The following KCNG2 variants were observed in gnomAD, a reference collection of about 807,000 sequenced individuals.
KCNG2 encodes the protein voltage-gated potassium channel regulatory subunit KCNG2.
A neutral mutation model predicts 12.3 loss-of-function variants in KCNG2; 7 were observed. That is an observed-to-expected ratio of 0.57 (90% CI 0.32 to 1.07). KCNG2 has a LOEUF of 1.07. Among genes scored for constraint, KCNG2 ranks in the 50% least tolerant of loss-of-function variants. The pLI is 0.04. For missense variants in KCNG2, 703 were observed against 726.0 expected (o/e 0.97, Z 0.36); for synonymous variants, 414 against 351.4 (o/e 1.18, Z -1.99).
chr18:79,858,162 A>G (rs1436438404), intron 2 of KCNG2, among the ~76,000 whole-genome samples: 1 of 152,084 alleles, frequency 6.6e-6, no homozygotes, highest in Non-Finnish European at 1.5e-5. Context: ...CACTGCACCC[A>G]GCTAAGTTTT....
Position 79,800,658 on chromosome 18 carries a change from G to A in KCNG2, c.-115+2644G>A, listed in dbSNP as rs1043937069. 3.3e-5 allele frequency among the ~76,000 whole-genome samples: 5 copies of A among 152,198 alleles called. No individual in the cohort carries two copies. The highest frequency in any genetic ancestry group is 4.8e-5 in the African/African-American group (2 of 41,454). On this transcript the variant is annotated intron_variant, in intron 1 of 3. Transcript: ENST00000316249. The surrounding 1 kb of genome is among the most constrained non-coding windows in gnomAD (Gnocchi z 4.0). ...GGCTCCTTCACAGCCGCGGCTTTCCGGCAGGAGCCTCAGCAGTTCCTTCCC... is the reference window on the plus strand; with the variant it reads ...GGCTCCTTCACAGCCGCGGCTTTCCAGCAGGAGCCTCAGCAGTTCCTTCCC...
In KCNG2 at chr18:79,863,924, G is replaced by A; in HGVS notation, c.257G>A (p.Arg86His). 2 of 1,376,276 alleles carry A rather than the reference G, an allele frequency of 1.5e-6. No individual in the cohort carries two copies. Among genetic ancestry groups the A allele is most frequent in the Non-Finnish European group, 1.9e-6 (2 of 1,059,690 alleles). 85.3% of individuals were successfully genotyped at this position (1,376,276 alleles called of 1,614,324 possible). Residue 86 changes from arginine to histidine, a missense_variant, in exon 3 of 4, where the codon CGC (arginine) becomes CAC (histidine). Physicochemically the swap from Arg to His is conservative, Grantham distance 29. Coordinates refer to ENST00000316249, the MANE Select transcript of KCNG2 (RefSeq NM_012283.2). ...CAFRAIVALL[R>H]AGKLRLLRGP... ...TTCCGCGCCATCGTGGCGCTTTTGC[G>A]CGCAGGGAAGCTGCGACTGCTGCGG...
At chr18:79,885,767 C>T (rs1980503032) in intron 3 of KCNG2, among the ~76,000 whole-genome samples, 1 of 151,844 alleles carries the variant, frequency 6.6e-6, no homozygotes, top group Non-Finnish European at 1.5e-5. Context: ...GACACAGGGA[C>T]AGGAACATGG....
At chr18:79,881,322 G>A (rs930344312) in intron 3 of KCNG2, among the ~76,000 whole-genome samples, 1 of 152,066 alleles carries the variant, frequency 6.6e-6, no homozygotes, top group Non-Finnish European at 1.5e-5. Context: ...GAAACACGCC[G>A]TACGATTGGA....
intron 1 of KCNG2, among the ~76,000 whole-genome samples, chr18:79,832,214 TTCCTCACCCCTCCTTCCTCACCTGCTCA>T (rs943854466): frequency 3.4e-5 from 5 of 147,958 alleles, no homozygotes; most frequent in Non-Finnish European, 7.5e-5. Context: ...TCACCTGCCC[TTCCTCACCCCTCCTTCCTCACCTGCTCA>T]TCCTCACCCG....
chr18:79,847,483 C>T (rs549059957), intron 1 of KCNG2, among the ~76,000 whole-genome samples: 2 of 152,308 alleles, frequency 1.3e-5, no homozygotes, highest in South Asian at 2.1e-4. Context: ...GATCTTTACC[C>T]GGCAGTGCGG....
chr18:79,893,655 T>A (rs1234498049), intron 3 of KCNG2, among the ~76,000 whole-genome samples: 1 of 151,996 alleles, frequency 6.6e-6, no homozygotes, highest in African/African-American at 2.4e-5. Context: ...CATTCAAATC[T>A]AATGGTTCGA....
chr18:79,809,511 G>A (rs1333399981), intron 1 of KCNG2, among the ~76,000 whole-genome samples: 1 of 92,834 alleles, frequency 1.1e-5, no homozygotes, highest in African/African-American at 4.2e-5. Flanking sequence ...GCGCTCTGAG[G>A]AGCTGCCGGG....
intron 1 of KCNG2, among the ~76,000 whole-genome samples, chr18:79,853,289 GGCTTC>G (rs1368413568): frequency 6.6e-6 from 1 of 152,180 alleles, no homozygotes; most frequent in Non-Finnish European, 1.5e-5. Context: ...GGTGGGCCTG[GGCTTC>G]AGCGTGAACC....
At chr18:79,858,756 A>G (rs1169105075) in intron 2 of KCNG2, among the ~76,000 whole-genome samples, 1 of 151,468 alleles carries the variant, frequency 6.6e-6, no homozygotes, top group Non-Finnish European at 1.5e-5. Flanking sequence ...CATTTGTTTG[A>G]CTATAACGAC....
chr18:79,823,983 A>G (rs898837625), intron 1 of KCNG2, among the ~76,000 whole-genome samples: 8 of 152,188 alleles, frequency 5.3e-5, no homozygotes, highest in Non-Finnish European at 1.0e-4. Context: ...TTCCTACTGT[A>G]AATGGACTTT....
intron 2 of KCNG2, among the ~76,000 whole-genome samples, chr18:79,858,446 A>G (rs973977015): frequency 1.3e-5 from 2 of 152,210 alleles, no homozygotes; most frequent in African/African-American, 4.8e-5. Context: ...ATGGAGGCCC[A>G]TATTTTGCTT....
At position 79,899,830 on chromosome 18, in the gene KCNG2, CA is replaced by C; in HGVS notation, c.*15del. ...GCAGGGCGCTGACGCCTGCGCCGCCCACACGGAGACCCCCTGCCCCCTCCAG... is the reference window on the plus strand; with the variant it reads ...GCAGGGCGCTGACGCCTGCGCCGCCCCACGGAGACCCCCTGCCCCCTCCAG... On this transcript the variant is annotated 3_prime_UTR_variant, in exon 4 of 4. Coordinates refer to ENST00000316249, the MANE Select transcript of KCNG2 (RefSeq NM_012283.2). 2 of 1,348,908 alleles carry C rather than the reference CA, an allele frequency of 1.5e-6. No homozygotes were observed. Among genetic ancestry groups the C allele is most frequent in the South Asian group, 1.8e-5 (1 of 54,808 alleles). The allele number at this position is 1,348,908 out of a possible 1,614,324, so 83.6% of individuals were successfully genotyped here.
chr18:79,830,734 T>TTTG (rs1978293388), intron 1 of KCNG2, among the ~76,000 whole-genome samples: 4 of 145,112 alleles, frequency 2.8e-5, no homozygotes, highest in East Asian at 2.1e-4. Context: ...AGACAGAGCC[T>TTTG]TCGTCAGGAG....
At chr18:79,840,645 AAAG>A (rs1978430880) in intron 1 of KCNG2, among the ~76,000 whole-genome samples, 1 of 152,218 alleles carries the variant, frequency 6.6e-6, no homozygotes. Flanking sequence ...ATTATTTGGA[AAAG>A]AAGAATAAAG....
chr18:79,894,319 G>C (rs1360461925), intron 3 of KCNG2, among the ~76,000 whole-genome samples: 2 of 142,654 alleles, frequency 1.4e-5, no homozygotes, highest in African/African-American at 5.2e-5. Context: ...TGATATAATT[G>C]GGTCTGTGTC....
intron 2 of KCNG2, among the ~76,000 whole-genome samples, chr18:79,859,753 G>A (rs973386446): frequency 6.6e-6 from 1 of 152,152 alleles, no homozygotes; most frequent in African/African-American, 2.4e-5. Context: ...TAGTCTTGAC[G>A]ACCTTGTCAA....
At chr18:79,860,378 T>C (rs989741320) in intron 2 of KCNG2, among the ~76,000 whole-genome samples, 1 of 152,244 alleles carries the variant, frequency 6.6e-6, no homozygotes, top group Non-Finnish European at 1.5e-5. Flanking sequence ...GATTGCCATC[T>C]TAACAATATT....
At chr18:79,892,629 G>A (rs2123127758) in intron 3 of KCNG2, among the ~76,000 whole-genome samples, 1 of 152,114 alleles carries the variant, frequency 6.6e-6, no homozygotes, top group South Asian at 2.1e-4. Context: ...TGACTGGGTT[G>A]TTCACTCCAT....
Sources: allele counts gnomAD v4.1 joint callset (sites outside exome capture counted in the v4.1 genomes callset), GRCh38; gene constraint gnomAD v4.1.1; non-coding constraint Gnocchi (gnomAD v3.1); transcripts MANE v1.5; gene names NCBI Gene and HGNC (gene_info 2026-07-23, HGNC 2026-07-21).